The following TBX15 variants were observed in gnomAD, a reference collection of about 807,000 sequenced individuals.
TBX15 encodes T-box transcription factor TBX15.
A neutral mutation model predicts 53.9 loss-of-function variants in TBX15; 18 were observed. The observed-to-expected ratio is 0.33, with a 90% CI of 0.23 to 0.49. The LOEUF is 0.49. TBX15 is among the 20% of genes least tolerant of loss of function. The pLI, the probability that TBX15 is intolerant of heterozygous loss-of-function variation, is 0.98. For missense variants in TBX15, 692 were observed against 749.5 expected (o/e 0.92, Z 0.90); for synonymous variants, 295 against 278.0 (o/e 1.06, Z -0.61).
intron 7 of TBX15, among the ~76,000 whole-genome samples, chr1:118,892,791 T>A (rs1050850831): frequency 2.0e-5 from 3 of 152,232 alleles, no homozygotes; most frequent in Non-Finnish European, 2.9e-5. Flanking sequence ...TAATGTTAAT[T>A]GACTGCATGA....
intron 6 of TBX15, among the ~76,000 whole-genome samples, chr1:118,902,135 A>G (rs1037870463): frequency 6.6e-6 from 1 of 152,124 alleles, no homozygotes; most frequent in Non-Finnish European, 1.5e-5. Context: ...AGAGAATAAT[A>G]TTGGTCTCAT....
chr1:118,887,669 CT>C (rs1287729075), intron 7 of TBX15, among the ~76,000 whole-genome samples: 6 of 129,574 alleles, frequency 4.6e-5, no homozygotes, highest in African/African-American at 1.9e-4. Context: ...GAGCAAAACT[CT>C]CAAAAAAAAA....
chr1:118,899,005 G>A (rs953479107), intron 7 of TBX15, 23 bp downstream of exon 7: 3 of 1,611,508 alleles, frequency 1.9e-6, no homozygotes, highest in Non-Finnish European at 2.5e-6. Context: ...TCACTAAGCA[G>A]AGGCCTTGCT....
chr1:118,986,739 C>G (rs1657850213), intron 1 of TBX15, among the ~76,000 whole-genome samples: 1 of 152,208 alleles, frequency 6.6e-6, no homozygotes, highest in African/African-American at 2.4e-5. Context: ...TCTGAAACCG[C>G]TAAACCAAGT....
At position 118,901,323 on chromosome 1, in the gene TBX15, T is replaced by C. The variant is rs1654622433; in HGVS notation, c.927-2198A>G. 5 of 456,214 alleles carry C rather than the reference T, an allele frequency of 1.1e-5. No homozygotes were observed. The Admixed American group carries it at 1.2e-4, about 11-fold the overall frequency. The allele number at this position is 456,214 out of a possible 1,614,324, so 28.3% of individuals were successfully genotyped here. On this transcript the variant is annotated intron_variant, in intron 6 of 7. Transcript: ENST00000369429. Reference sequence around the variant, plus strand: ...CAAGAGAGAAAGGCACCAAACTTATTCTTTCATCAGGAACACACTCCTGTG... The same window carrying C: ...CAAGAGAGAAAGGCACCAAACTTATCCTTTCATCAGGAACACACTCCTGTG...
chr1:118,982,658 T>C (rs1352715783), intron 1 of TBX15, among the ~76,000 whole-genome samples: 5 of 152,268 alleles, frequency 3.3e-5, no homozygotes, highest in Admixed American at 6.5e-5. Flanking sequence ...ACATGCTGTC[T>C]ATATTAAAAG....
intron 5 of TBX15, among the ~76,000 whole-genome samples, chr1:118,921,160 C>T (rs1029912149): frequency 1.6e-4 from 25 of 152,004 alleles, no homozygotes; most frequent in African/African-American, 6.0e-4. Context: ...GCCTGAGTGA[C>T]AGAGCAAGAC....
chr1:118,924,308 C>A (rs1290516118), intron 4 of TBX15, among the ~76,000 whole-genome samples: 1 of 152,100 alleles, frequency 6.6e-6, no homozygotes, highest in Non-Finnish European at 1.5e-5. Context: ...GTTTTATAGC[C>A]TTGTGGGTTA....
Position 118,885,161 on chromosome 1 carries a change from G to C in TBX15, c.1380C>G (p.Ser460Arg). 6.2e-7 allele frequency: 1 copy of C among 1,614,166 alleles called. No homozygotes were observed. Residue 460 changes from serine (S) to arginine (R), a missense_variant, in exon 8 of 8, where the codon AGC (serine) becomes AGG (arginine). Ser to Arg is a moderately radical substitution (Grantham distance 110). Transcript: ENST00000369429. ...GCTGGCCACCGTAGGCTTCCATCTT[G>C]CTGTTGCCAGGCAACGAGGGAGGAG... ...IPTPPSLPGN[S>R]KMEAYGGQLG...
intron 6 of TBX15, among the ~76,000 whole-genome samples, chr1:118,905,090 C>G (rs1392303322): frequency 6.6e-6 from 1 of 152,192 alleles, no homozygotes; most frequent in African/African-American, 2.4e-5. Flanking sequence ...TACAATCATT[C>G]TCCTCAGACT....
chr1:118,936,472 T>C (rs988862713), intron 1 of TBX15, among the ~76,000 whole-genome samples: 1 of 152,164 alleles, frequency 6.6e-6, no homozygotes, highest in Non-Finnish European at 1.5e-5. Context: ...GTGGGATCTT[T>C]AAAAGTTTCT....
At chr1:118,985,323 TC>T (rs773354391) in intron 1 of TBX15, among the ~76,000 whole-genome samples, 9 of 151,986 alleles carry the variant, frequency 5.9e-5, no homozygotes, top group Non-Finnish European at 1.2e-4. Context: ...TTTAAATGTG[TC>T]CCTGTGTGTG....
Position 118,931,760 on chromosome 1 carries a change from G to T in TBX15, c.278C>A (p.Thr93Asn). The stretch of plus-strand genomic sequence containing the variant: ...GCCTGCAGCACCAGAGGCCAGGTCA[G>T]TGTGAGTACTGAAGGAGCAGGAAGT... Reference protein sequence around the residue: ...ERTSCSFSTHTDLASGAAGPV... With the variant: ...ERTSCSFSTHNDLASGAAGPV... Residue 93 changes from threonine to asparagine, a missense_variant, in exon 2 of 8, where the codon ACT becomes AAT. By Grantham distance (65) the Thr-to-Asn change is moderately conservative (BLOSUM62 0). Transcript: ENST00000369429. 1 of 1,612,972 alleles carries T rather than the reference G, an allele frequency of 6.2e-7. No individual in the cohort carries two copies. The highest frequency in any genetic ancestry group is 8.5e-7 in the Non-Finnish European group (1 of 1,179,414).
intron 1 of TBX15, among the ~76,000 whole-genome samples, chr1:118,955,570 G>T (rs994965600): frequency 6.6e-6 from 1 of 152,070 alleles, no homozygotes; most frequent in African/African-American, 2.4e-5. Flanking sequence ...AGAAAACCTT[G>T]GTCTGCTTTT....
chr1:118,956,962 C>A (rs1481326041), intron 1 of TBX15, among the ~76,000 whole-genome samples: 37 of 141,862 alleles, frequency 2.6e-4, no homozygotes, highest in Admixed American at 5.0e-4. Flanking sequence ...GACTCCATCT[C>A]AAAAAAAAAA....
intron 1 of TBX15, among the ~76,000 whole-genome samples, chr1:118,964,398 T>C (rs1656975181): frequency 6.6e-6 from 1 of 152,232 alleles, no homozygotes; most frequent in Non-Finnish European, 1.5e-5. Flanking sequence ...TGACTTTAAT[T>C]CTTATGACAA....
At position 118,885,425 on chromosome 1, in the gene TBX15, A is replaced by G. The variant is rs1460442929; in HGVS notation, c.1116T>C (p.Pro372=). ...TGTTGGGGGCCAGATGAAAAGTTGG[A>G]GGAGAACAGGATGGAGATAAAAGAT... is the stretch of plus-strand genomic sequence containing the variant. ...SSHLLSPSCS[P]PTFHLAPNTF... Residue 372 remains proline (P), a synonymous_variant, in exon 8 of 8, where the codon CCT becomes CCC. Coordinates refer to ENST00000369429, the MANE Select transcript of TBX15 (RefSeq NM_001330677.2). The G allele has an allele frequency of 6.2e-7, 1 of 1,613,134 alleles. No individual in the cohort carries two copies. Among genetic ancestry groups the G allele is most frequent in the Non-Finnish European group, 8.5e-7 (1 of 1,179,686 alleles).
At chr1:118,893,653 G>GGGAA (rs1278910090) in intron 7 of TBX15, among the ~76,000 whole-genome samples, 2 of 150,050 alleles carry the variant, frequency 1.3e-5, no homozygotes, top group African/African-American at 2.5e-5. Context: ...AAGGGAGGGA[G>GGGAA]GGAAGGAAGG....
intron 5 of TBX15, among the ~76,000 whole-genome samples, chr1:118,917,537 C>A (rs554302629): frequency 6.6e-6 from 1 of 152,242 alleles, no homozygotes; most frequent in Admixed American, 6.5e-5. Context: ...TGAAACAAAC[C>A]TGCACATCCT....
Sources: gnomAD v4.1 joint callset for allele counts (sites outside exome capture counted in the v4.1 genomes callset) on GRCh38, gnomAD v4.1.1 for gene constraint, MANE v1.5 for transcripts, NCBI Gene and HGNC (gene_info 2026-07-23, HGNC 2026-07-21) for gene names.